Variants in STX17 observed in about 807,000 individuals in gnomAD.
The protein encoded by STX17 is syntaxin 17, also known as syntaxin-17.
Under a neutral mutation model 35.9 loss-of-function variants are expected in STX17, and 29 were observed. That is an observed-to-expected ratio of 0.81 (90% CI 0.60 to 1.10). The LOEUF (loss-of-function observed/expected upper bound fraction) is 1.10, where lower values mean the gene tolerates loss of function less well. Ranked by LOEUF, STX17 falls within the 50% of genes least tolerant of loss-of-function variation. STX17 has a pLI of 0.00. For missense variants in STX17, 312 were observed against 352.3 expected (o/e 0.89, Z 0.92); for synonymous variants, 92 against 118.3 (o/e 0.78, Z 1.44).
intron 1 of STX17, among the ~76,000 whole-genome samples, chr9:99,911,127 C>T (rs1828653963): frequency 6.6e-6 from 1 of 151,996 alleles, no homozygotes; most frequent in African/African-American, 2.4e-5. Context: ...CCTCCGCCTC[C>T]TGGGTTCAAG....
chr9:99,949,789 T>A (rs2118476107), intron 3 of STX17, among the ~76,000 whole-genome samples: 1 of 152,112 alleles, frequency 6.6e-6, no homozygotes, highest in East Asian at 1.9e-4. Context: ...CTTAAAGGGA[T>A]TGTTTCTTTG....
rs568179709 is a variant in STX17 at position 99,907,608 on chromosome 9, C to G, written c.-63+902C>G. Among the ~76,000 whole-genome samples the G allele has an allele frequency of 1.2e-4, 18 of 152,290 alleles. No homozygotes were observed. In the South Asian group the frequency reaches 3.7e-3, roughly 32 times the overall value. ...AGTGAATACGATGGCAGTTCTTTGA[C>G]TTCTAAATGTTTTTACCTGTCTTAC... On this transcript the variant is annotated intron_variant, in intron 1 of 7. Coordinates refer to ENST00000259400, the MANE Select transcript of STX17 (RefSeq NM_017919.3).
intron 6 of STX17, 144 bp from the exon 7 acceptor site, chr9:99,967,509 G>T: frequency 5.7e-6 from 3 of 525,236 alleles, no homozygotes; most frequent in South Asian, 2.8e-5. Flanking sequence ...TTTCGACATG[G>T]CTTATCAGAT....
At chr9:99,951,315 G>A (rs373898046) in intron 4 of STX17, 30 bp downstream of exon 4, 10 of 1,594,932 alleles carry the variant, frequency 6.3e-6, no homozygotes, top group South Asian at 2.2e-5. Flanking sequence ...CTTATTCTCA[G>A]TCACAGTAGT....
At chr9:99,919,670 G>C (rs542494372) in intron 2 of STX17, among the ~76,000 whole-genome samples, 1 of 152,230 alleles carries the variant, frequency 6.6e-6, no homozygotes, top group Admixed American at 6.5e-5. Context: ...GAATCTGCCA[G>C]GTTTAATGAG....
chr9:99,963,411 G>A (rs756167935), intron 6 of STX17, among the ~76,000 whole-genome samples: 33 of 152,108 alleles, frequency 2.2e-4, no homozygotes, highest in Admixed American at 1.6e-3. Context: ...ATTCCCTGTC[G>A]TTTTTGTAAT....
At chr9:99,917,809 A>G in intron 2 of STX17, among the ~76,000 whole-genome samples, 1 of 152,230 alleles carries the variant, frequency 6.6e-6, no homozygotes, top group South Asian at 2.1e-4. Context: ...TGTGTAGCAC[A>G]TACTGTATTA....
At chr9:99,907,546 GCA>G (rs1169264303) in intron 1 of STX17, among the ~76,000 whole-genome samples, 1 of 152,122 alleles carries the variant, frequency 6.6e-6, no homozygotes, top group Non-Finnish European at 1.5e-5. Context: ...AAAGCACCTG[GCA>G]CAGTCCTGGC....
chr9:99,941,554 A>G (rs985191594), intron 3 of STX17, among the ~76,000 whole-genome samples: 53 of 152,348 alleles, frequency 3.5e-4, no homozygotes, highest in African/African-American at 1.3e-3. Flanking sequence ...ACACTCATGT[A>G]TCACTACTCA....
At chr9:99,965,982 G>A (rs1365408119) in intron 6 of STX17, among the ~76,000 whole-genome samples, 4 of 152,162 alleles carry the variant, frequency 2.6e-5, no homozygotes, top group East Asian at 1.9e-4. Flanking sequence ...ACATAGTGGC[G>A]TTTGCTGAGA....
In STX17 at chr9:99,915,223, T is replaced by C. The variant is rs1828743797; in HGVS notation, c.-17T>C. 6.2e-7 allele frequency: 1 copy of C among 1,607,262 alleles called. No homozygotes were observed. Among genetic ancestry groups the C allele is most frequent in the African/African-American group, 1.3e-5 (1 of 74,604 alleles). On this transcript the variant is annotated 5_prime_UTR_variant, in exon 2 of 8. Coordinates refer to ENST00000259400, the MANE Select transcript of STX17 (RefSeq NM_017919.3). ...AAGACAGCTGTTACCAGGGAGGTCA[T>C]ACAACATTTTTTTAGGATGTCTGAA...
chr9:99,938,292 G>A (rs1343324911), intron 3 of STX17, among the ~76,000 whole-genome samples: 1 of 152,126 alleles, frequency 6.6e-6, no homozygotes. Flanking sequence ...AATGAACAGT[G>A]CTCACCTTGG....
chr9:99,939,811 T>C (rs1282855332), intron 3 of STX17, among the ~76,000 whole-genome samples: 1 of 152,210 alleles, frequency 6.6e-6, no homozygotes, highest in East Asian at 1.9e-4. Context: ...TTCCCCTTAA[T>C]AGAGAATCAA....
intron 2 of STX17, among the ~76,000 whole-genome samples, chr9:99,925,790 ATTTAT>A (rs1009368506): frequency 4.0e-5 from 6 of 151,460 alleles, no homozygotes; most frequent in African/African-American, 1.5e-4. Context: ...GTTTTTCTTT[ATTTAT>A]TTTAAGTAAT....
Position 99,951,228 on chromosome 9 carries a change from T to C in STX17, c.358T>C (p.Phe120Leu). The stretch of plus-strand genomic sequence containing the variant: ...ATCTGTAGAAGAACTTAAGAAGCAA[T>C]TTAATGATGAAGAAACTTTGCTACA... ...LESVEELKKQFNDEETLLQPP... is the reference protein window; with the variant it reads ...LESVEELKKQLNDEETLLQPP... Residue 120 changes from phenylalanine to leucine, a missense_variant, in exon 4 of 8, where the codon TTT (phenylalanine) becomes CTT (leucine). Physicochemically the swap from Phe to Leu is conservative, Grantham distance 22. Coordinates refer to ENST00000259400, the MANE Select transcript of STX17 (RefSeq NM_017919.3). The C allele has an allele frequency of 1.2e-6, 2 of 1,613,066 alleles. No homozygotes were observed. The highest frequency in any genetic ancestry group is 1.7e-6 in the Non-Finnish European group (2 of 1,179,192).
intron 2 of STX17, among the ~76,000 whole-genome samples, chr9:99,927,893 AGAAC>A (rs1365105509): frequency 2.0e-5 from 3 of 152,240 alleles, no homozygotes; most frequent in Non-Finnish European, 4.4e-5. Flanking sequence ...AAGAATGTGC[AGAAC>A]GAGGAATATA....
Position 99,960,137 on chromosome 9 carries a change from C to A in STX17, c.564C>A (p.Asp188Glu). The A allele has an allele frequency of 6.2e-7, 1 of 1,614,014 alleles. No individual in the cohort carries two copies. Among genetic ancestry groups the A allele is most frequent in the Non-Finnish European group, 8.5e-7 (1 of 1,179,936 alleles). ...TTGAACTTAGCCAACTGGTCACTGA[C>A]TTCTCTCTCCTAGTGAATGTAAGTA... ...DLIELSQLVT[D>E]FSLLVNSQQE... is the part of the protein sequence containing the mutation. Residue 188 changes from aspartate (D) to glutamate (E), a missense_variant, in exon 6 of 8, where the codon GAC (aspartate) becomes GAA (glutamate). Asp to Glu is a conservative substitution (Grantham distance 45). Coordinates refer to ENST00000259400, the MANE Select transcript of STX17 (RefSeq NM_017919.3).
At chr9:99,917,282 A>G (rs1168290451) in intron 2 of STX17, among the ~76,000 whole-genome samples, 2 of 152,174 alleles carry the variant, frequency 1.3e-5, no homozygotes, top group African/African-American at 2.4e-5. Flanking sequence ...TTTTATCTAT[A>G]TAGGATTGAA....
intron 6 of STX17, among the ~76,000 whole-genome samples, chr9:99,965,102 TC>T (rs1435553942): frequency 6.6e-6 from 1 of 152,140 alleles, no homozygotes. Context: ...TGTGGGCTAC[TC>T]CCCAGGGTGG....
Sources: allele counts gnomAD v4.1 joint callset (sites outside exome capture counted in the v4.1 genomes callset), GRCh38; gene constraint gnomAD v4.1.1; transcripts MANE v1.5; gene names NCBI Gene and HGNC (gene_info 2026-07-23, HGNC 2026-07-21).